FGD5: variants seen among roughly 807,000 people sequenced by gnomAD.
The protein encoded by FGD5 is FYVE, RhoGEF and PH domain-containing protein 5.
In FGD5, 28 loss-of-function variants were observed where a neutral mutation model predicts 133.4. The observed-to-expected ratio is 0.21, with a 90% CI of 0.16 to 0.29. The LOEUF (loss-of-function observed/expected upper bound fraction) is 0.29, where lower values mean the gene tolerates loss of function less well. Ranked by LOEUF, FGD5 falls within the 10% of genes least tolerant of loss-of-function variation. The pLI, the probability that FGD5 is intolerant of heterozygous loss-of-function variation, is 1.00. For missense variants in FGD5, 1,858 were observed against 1,895.2 expected (o/e 0.98, Z 0.36); for synonymous variants, 810 against 776.5 (o/e 1.04, Z -0.72).
intron 1 of FGD5, among the ~76,000 whole-genome samples, chr3:14,846,968 G>A (rs2037063817): frequency 6.6e-6 from 1 of 152,174 alleles, no homozygotes; most frequent in African/African-American, 2.4e-5. Flanking sequence ...AAGGGAGACT[G>A]AACTTAGTGG....
At chr3:14,915,573 C>A (rs956400224) in intron 11 of FGD5, among the ~76,000 whole-genome samples, 9 of 152,148 alleles carry the variant, frequency 5.9e-5, no homozygotes, top group African/African-American at 1.9e-4. Context: ...AGGGCTCTCT[C>A]TGGTTCATGT....
At chr3:14,823,118 G>C (rs557299799) in intron 1 of FGD5, among the ~76,000 whole-genome samples, 1 of 152,314 alleles carries the variant, frequency 6.6e-6, no homozygotes, top group East Asian at 1.9e-4. Context: ...AGCTGCAAGA[G>C]GGGTAGAGAG....
At chr3:14,852,642 C>T (rs1234155756) in intron 1 of FGD5, among the ~76,000 whole-genome samples, 1 of 152,156 alleles carries the variant, frequency 6.6e-6, no homozygotes, top group Non-Finnish European at 1.5e-5. Flanking sequence ...ACTGATGCTG[C>T]TGCGTTTTAA....
chr3:14,919,428 C>T (rs1259010357), intron 13 of FGD5, among the ~76,000 whole-genome samples: 1 of 152,138 alleles, frequency 6.6e-6, no homozygotes, highest in Non-Finnish European at 1.5e-5. Context: ...GCCATCCTGG[C>T]TAACACAGTG....
intron 1 of FGD5, among the ~76,000 whole-genome samples, chr3:14,855,369 G>A (rs1027547276): frequency 6.6e-6 from 1 of 152,120 alleles, no homozygotes; most frequent in Non-Finnish European, 1.5e-5. Context: ...TTGGATAAAT[G>A]CCCAGTAGTA....
intron 1 of FGD5, among the ~76,000 whole-genome samples, chr3:14,840,564 A>G (rs1211108943): frequency 1.3e-5 from 2 of 151,672 alleles, no homozygotes; most frequent in East Asian, 3.9e-4. Flanking sequence ...GTTCCCTGTC[A>G]GCACAGGCAG....
intron 4 of FGD5, chr3:14,882,181 A>C (rs1347111906): frequency 2.1e-6 from 1 of 469,946 alleles, no homozygotes; most frequent in African/African-American, 2.1e-5. Flanking sequence ...CAAAGGCCTG[A>C]AGGATCAGTT....
chr3:14,854,813 G>A (rs2037244542), intron 1 of FGD5, among the ~76,000 whole-genome samples: 2 of 152,200 alleles, frequency 1.3e-5, no homozygotes, highest in Admixed American at 1.3e-4. Flanking sequence ...ATCAGATCAG[G>A]ATAGTTAGCA....
chr3:14,907,847 G>T (rs2038369429), intron 10 of FGD5, 136 bp downstream of exon 10: 2 of 838,350 alleles, frequency 2.4e-6, no homozygotes, highest in African/African-American at 1.7e-5. Context: ...AGGCGGGTGG[G>T]CGTGGGCTCA....
chr3:14,898,947 G>A (rs1195832863), intron 7 of FGD5, 121 bp downstream of exon 7: 8 of 841,946 alleles, frequency 9.5e-6, no homozygotes, highest in Non-Finnish European at 1.5e-5. Context: ...TTGGGGAAGG[G>A]TGACCTCTGC....
At position 14,900,445 on chromosome 3, in the gene FGD5, A is replaced by G. The variant is rs752827604; in HGVS notation, c.3197A>G (p.Asn1066Ser). The change falls in exon 8 of 20, where the codon AAC (asparagine) becomes AGC (serine). Residue 1066 changes from asparagine to serine, a missense_variant. Asn to Ser is a conservative substitution (Grantham distance 46). This residue lies in a region of FGD5 where 1,824 missense variants were observed against 1,848.9 expected (regional missense o/e 0.99). Coordinates refer to ENST00000285046, the MANE Select transcript of FGD5 (RefSeq NM_152536.4). ...NLCPDSAEYD[N>S]TQGALSLISK... Reference sequence around the variant, plus strand: ...TGTCCGGACTCCGCCGAGTACGACAACACACAGGGTGAGTCCAGCGTGAAT... The same window carrying G: ...TGTCCGGACTCCGCCGAGTACGACAGCACACAGGGTGAGTCCAGCGTGAAT... 6.2e-7 allele frequency: 1 copy of G among 1,613,456 alleles called. No individual in the cohort carries two copies. Among genetic ancestry groups the G allele is most frequent in the South Asian group, 1.1e-5 (1 of 90,870 alleles).
chr3:14,847,088 C>T (rs2125090600), intron 1 of FGD5, among the ~76,000 whole-genome samples: 1 of 152,278 alleles, frequency 6.6e-6, no homozygotes, highest in African/African-American at 2.4e-5. Context: ...CAGGACTTGG[C>T]ACACATAAGC....
In FGD5 at chr3:14,880,740, A is replaced by G; in HGVS notation, c.2718-2A>G. On this transcript the variant is annotated splice_acceptor_variant, in intron 3 of 19. Coordinates refer to ENST00000285046, the MANE Select transcript of FGD5 (RefSeq NM_152536.4). LOFTEE classifies it high-confidence loss of function. Reference sequence around the variant, plus strand: ...CAGCCTCAACCCTCTTTCCCTCTGCAGATACGTGGAGATGCTCCAGCACTT... The same window carrying G: ...CAGCCTCAACCCTCTTTCCCTCTGCGGATACGTGGAGATGCTCCAGCACTT... 6.2e-7 allele frequency: 1 copy of G among 1,614,026 alleles called. No homozygotes were observed. Among genetic ancestry groups the G allele is most frequent in the Non-Finnish European group, 8.5e-7 (1 of 1,179,884 alleles).
intron 9 of FGD5, among the ~76,000 whole-genome samples, chr3:14,904,316 T>G (rs1331841477): frequency 6.6e-6 from 1 of 152,240 alleles, no homozygotes; most frequent in African/African-American, 2.4e-5. Flanking sequence ...GAGATTTGTC[T>G]CTTCTCCCTC....
chr3:14,834,256 A>G (rs1349697407), intron 1 of FGD5, among the ~76,000 whole-genome samples: 1 of 152,064 alleles, frequency 6.6e-6, no homozygotes, highest in Non-Finnish European at 1.5e-5. Flanking sequence ...TTAGAGTCAG[A>G]TGGCTGAGTT....
chr3:14,820,911 G>A lies in FGD5; in HGVS notation c.1840G>A (p.Asp614Asn), dbSNP rs560326798. The A allele has an allele frequency of 6.8e-6, 11 of 1,613,622 alleles. No homozygotes were observed. Among genetic ancestry groups the A allele is most frequent in the African/African-American group, 2.7e-5 (2 of 74,930 alleles). Residue 614 changes from aspartate to asparagine, a missense_variant, in exon 1 of 20, where the codon GAC becomes AAC. Physicochemically the swap from Asp to Asn is conservative, Grantham distance 23. This residue lies in a region of FGD5 where 1,824 missense variants were observed against 1,848.9 expected (regional missense o/e 0.99). Coordinates refer to ENST00000285046, the MANE Select transcript of FGD5 (RefSeq NM_152536.4). ...CACCTCCACGCCTTCTTCCATGGTC[G>A]ACATCCCACCTCCTTTCGACCTGGC... ...SGTSTPSSMV[D>N]IPPPFDLACI...
chr3:14,902,250 C>T (rs201393456), intron 9 of FGD5, among the ~76,000 whole-genome samples: 1 of 150,380 alleles, frequency 6.6e-6, no homozygotes, highest in Non-Finnish European at 1.5e-5. Context: ...GCATTGCACT[C>T]CAGCCTGGGT....
At chr3:14,872,703 G>A (rs934452257) in intron 2 of FGD5, among the ~76,000 whole-genome samples, 3 of 152,232 alleles carry the variant, frequency 2.0e-5, no homozygotes, top group Non-Finnish European at 2.9e-5. Flanking sequence ...AAAAGATGAA[G>A]CTGGGGCGGC....
At chr3:14,859,573 AAAAG>A (rs58405808) in intron 1 of FGD5, among the ~76,000 whole-genome samples, 9 of 151,622 alleles carry the variant, frequency 5.9e-5, no homozygotes, top group Admixed American at 1.3e-4. Flanking sequence ...AAAAAATAAT[AAAAG>A]AAAGAAAGAA....
Sources: gnomAD v4.1 joint callset for allele counts (sites outside exome capture counted in the v4.1 genomes callset) on GRCh38, gnomAD v4.1.1 for gene constraint, gnomAD v4.1.1 regional missense constraint, MANE v1.5 for transcripts, NCBI Gene and HGNC (gene_info 2026-07-23, HGNC 2026-07-21) for gene names.